AGAP1: variants seen among roughly 807,000 people sequenced by gnomAD.
AGAP1 encodes the protein ArfGAP with GTPase domain, ankyrin repeat and PH domain 1.
AGAP1 carries 29 observed loss-of-function variants against 105.3 expected under a neutral mutation model. The ratio of observed to expected loss-of-function variants is 0.28; its 90% CI spans 0.21 to 0.38. The LOEUF is 0.38. Among genes scored for constraint, AGAP1 ranks in the 10% least tolerant of loss-of-function variants. AGAP1 has a pLI of 1.00. For missense variants in AGAP1, 998 were observed against 1,165.1 expected (o/e 0.86, Z 2.09); for synonymous variants, 509 against 485.9 (o/e 1.05, Z -0.63).
At chr2:236,018,503 A>G (rs1468566923) in intron 13 of AGAP1, among the ~76,000 whole-genome samples, 2 of 152,230 alleles carry the variant, frequency 1.3e-5, no homozygotes, top group Admixed American at 6.5e-5. Flanking sequence ...AGCTAAACAG[A>G]TGACATTATC....
At chr2:235,910,028 A>T (rs957312807) in intron 11 of AGAP1, among the ~76,000 whole-genome samples, 3 of 152,132 alleles carry the variant, frequency 2.0e-5, no homozygotes, top group Non-Finnish European at 4.4e-5. Context: ...CAAAAAAAAA[A>T]ACAGATTTCT....
At chr2:235,505,191 A>G (rs1426407138) in intron 1 of AGAP1, among the ~76,000 whole-genome samples, 1 of 152,242 alleles carries the variant, frequency 6.6e-6, no homozygotes, top group Non-Finnish European at 1.5e-5. Context: ...TATTAGCATT[A>G]TTCAGTTTTT....
In AGAP1 at chr2:236,105,474, C is replaced by T. The variant is rs2059459642; in HGVS notation, c.2115-14718C>T. ...GGCTGATTCATTTCTGGTGAGGGGC[C>T]TCTTCCTGGCTTATAGACAGATGCC... On this transcript the variant is annotated intron_variant, in intron 16 of 17. Coordinates refer to ENST00000304032, the MANE Select transcript of AGAP1 (RefSeq NM_001037131.3). This position sits in a 1 kb window ranked among gnomAD's most constrained non-coding sequence, Gnocchi z 4.2. Among the ~76,000 whole-genome samples the T allele has an allele frequency of 2.6e-5, 4 of 151,824 alleles. No homozygotes were observed. The highest frequency in any genetic ancestry group is 9.7e-5 in the African/African-American group (4 of 41,288).
intron 4 of AGAP1, among the ~76,000 whole-genome samples, chr2:235,743,113 G>A (rs922162834): frequency 1.3e-5 from 2 of 152,232 alleles, no homozygotes; most frequent in Admixed American, 1.3e-4. Flanking sequence ...GTTGCAGTGA[G>A]CTGAGATCTC....
rs1317238014 is a variant in AGAP1 at position 236,131,118 on chromosome 2, C to T, written c.*6996C>T. On this transcript the variant is annotated 3_prime_UTR_variant, in exon 18 of 18. Coordinates refer to ENST00000304032, the MANE Select transcript of AGAP1 (RefSeq NM_001037131.3). The surrounding 1 kb of genome is among the most constrained non-coding windows in gnomAD (Gnocchi z 5.9). ...AGACTTGAAAAGCATCAGTTTCCCTCCCACGGCTGGGTTTTTGTGTCTGAA... is the reference window on the plus strand; with the variant it reads ...AGACTTGAAAAGCATCAGTTTCCCTTCCACGGCTGGGTTTTTGTGTCTGAA... The T allele has an allele frequency of 1.3e-5, 2 of 152,292 alleles. No homozygotes were observed. The highest frequency in any genetic ancestry group is 4.8e-5 in the African/African-American group (2 of 41,450). 9.4% of individuals were successfully genotyped at this position (152,292 alleles called of 1,614,324 possible).
intron 1 of AGAP1, among the ~76,000 whole-genome samples, chr2:235,630,224 T>G (rs1946782447): frequency 6.6e-6 from 1 of 152,186 alleles, no homozygotes; most frequent in Admixed American, 6.5e-5. Flanking sequence ...TTCTGTACTT[T>G]TTTTTTTGAG....
chr2:236,067,501 G>T (rs2058377946), intron 16 of AGAP1, among the ~76,000 whole-genome samples: 1 of 152,124 alleles, frequency 6.6e-6, no homozygotes, highest in African/African-American at 2.4e-5. Flanking sequence ...TAAATCAGGT[G>T]GGCAGGACAA....
rs1014173023 is a variant in AGAP1, at chr2:235,623,239, G to T, written c.164-85940G>T. Among the ~76,000 whole-genome samples the T allele has an allele frequency of 6.6e-6, 1 of 152,214 alleles. No individual in the cohort carries two copies. Among genetic ancestry groups the T allele is most frequent in the South Asian group, 2.1e-4 (1 of 4,836 alleles). The stretch of plus-strand genomic sequence containing the variant: ...GATGGACTGTTTTGGAGATTTATGC[G>T]TGTTCTGCAGGCTGACCTCTGCTTG... On this transcript the variant is annotated intron_variant, in intron 1 of 17. Transcript: ENST00000304032. The surrounding 1 kb of genome is among the most constrained non-coding windows in gnomAD (Gnocchi z 4.5).
In AGAP1 at chr2:235,654,097, A is replaced by T. The variant is rs191500136; in HGVS notation, c.164-55082A>T. Among the ~76,000 whole-genome samples the T allele has an allele frequency of 2.2e-4, 34 of 152,354 alleles. No individual in the cohort carries two copies. The East Asian group carries it at 3.7e-3, about 16-fold the overall frequency. The stretch of plus-strand genomic sequence containing the variant: ...TCCATGTTAATTTTAGAAAGTACAA[A>T]TACAGAAGCAGAAGAAGAATCTGAC... On this transcript the variant is annotated intron_variant, in intron 1 of 17. Coordinates refer to ENST00000304032, the MANE Select transcript of AGAP1 (RefSeq NM_001037131.3).
chr2:235,675,923 A>G (rs1948712212), intron 1 of AGAP1, among the ~76,000 whole-genome samples: 1 of 152,248 alleles, frequency 6.6e-6, no homozygotes, highest in African/African-American at 2.4e-5. Flanking sequence ...CATCTGCTCC[A>G]GAGGTCCTCC....
chr2:236,060,898 C>T (rs1026420632), intron 16 of AGAP1, among the ~76,000 whole-genome samples: 1 of 151,716 alleles, frequency 6.6e-6, no homozygotes, highest in Non-Finnish European at 1.5e-5. Flanking sequence ...CCCACCTCTA[C>T]AAAAACTTTT....
intron 6 of AGAP1, among the ~76,000 whole-genome samples, chr2:235,761,451 A>G (rs1459074232): frequency 1.3e-5 from 2 of 152,186 alleles, no homozygotes; most frequent in Non-Finnish European, 2.9e-5. Flanking sequence ...AATTTTATCA[A>G]TGACATAGAA....
At chr2:235,499,913 G>A (rs1941491286) in intron 1 of AGAP1, among the ~76,000 whole-genome samples, 3 of 152,178 alleles carry the variant, frequency 2.0e-5, no homozygotes. Flanking sequence ...TGACTTGCCA[G>A]AGGGTCCTTT....
intron 1 of AGAP1, among the ~76,000 whole-genome samples, chr2:235,678,263 G>C (rs1575104709): frequency 1.3e-5 from 2 of 152,110 alleles, no homozygotes; most frequent in Non-Finnish European, 2.9e-5. Context: ...CTCCTGATCT[G>C]GTTCATGAAC....
At chr2:235,791,970 T>C (rs1303202303) in intron 6 of AGAP1, among the ~76,000 whole-genome samples, 1 of 152,062 alleles carries the variant, frequency 6.6e-6, no homozygotes. Flanking sequence ...TTTCGTGGAG[T>C]AAAATTAGTG....
chr2:235,926,572 T>C (rs1429644801), intron 11 of AGAP1, among the ~76,000 whole-genome samples: 3 of 152,274 alleles, frequency 2.0e-5, no homozygotes, highest in Non-Finnish European at 4.4e-5. Flanking sequence ...AATATGTTTC[T>C]GCATTATCAC....
intron 1 of AGAP1, among the ~76,000 whole-genome samples, chr2:235,703,169 C>A (rs1034015616): frequency 6.6e-6 from 1 of 151,978 alleles, no homozygotes; most frequent in African/African-American, 2.4e-5. Context: ...CTCAAGTGAT[C>A]CGCCTGCCTC....
At position 235,535,130 on chromosome 2, in the gene AGAP1, G is replaced by A. The variant is rs547449606; in HGVS notation, c.163+40281G>A. Among the ~76,000 whole-genome samples, 1 of 152,216 alleles carries A rather than the reference G, an allele frequency of 6.6e-6. No individual in the cohort carries two copies. The highest frequency in any genetic ancestry group is 2.1e-4 in the South Asian group (1 of 4,816). ...TTCTCGCCAGGGCCAATACTTATCC[G>A]CAGGGGTGTGTGCCAGGCAGCCCAG... On this transcript the variant is annotated intron_variant, in intron 1 of 17. Coordinates refer to ENST00000304032, the MANE Select transcript of AGAP1 (RefSeq NM_001037131.3). This position sits in a 1 kb window ranked among gnomAD's most constrained non-coding sequence, Gnocchi z 5.1.
rs977251211 is a variant in AGAP1, at chr2:235,740,830, C to T, written c.311-133C>T. On this transcript the variant is annotated intron_variant, in intron 3 of 17. Coordinates refer to ENST00000304032, the MANE Select transcript of AGAP1 (RefSeq NM_001037131.3). The surrounding 1 kb of genome is among the most constrained non-coding windows in gnomAD (Gnocchi z 5.7). Reference sequence around the variant, plus strand: ...TCTGTTAAAATTCAGCATTTGCTGGCAACATCCTAAATACTCAGTTGCCTC... The same window carrying T: ...TCTGTTAAAATTCAGCATTTGCTGGTAACATCCTAAATACTCAGTTGCCTC... 7 of 963,252 alleles carry T rather than the reference C, an allele frequency of 7.3e-6. No individual in the cohort carries two copies. The East Asian group carries it at 1.0e-4, about 14-fold the overall frequency. The allele number at this position is 963,252 out of a possible 1,614,324, so 59.7% of individuals were successfully genotyped here.
Sources: gnomAD v4.1 joint callset for allele counts (sites outside exome capture counted in the v4.1 genomes callset) on GRCh38, gnomAD v4.1.1 for gene constraint, Gnocchi (gnomAD v3.1) non-coding constraint, MANE v1.5 for transcripts, NCBI Gene and HGNC (gene_info 2026-07-23, HGNC 2026-07-21) for gene names.